TPO: variants seen among roughly 807,000 people sequenced by gnomAD.
TPO encodes the protein thyroid microsomal antigen.
In TPO, 78 loss-of-function variants were observed where a neutral mutation model predicts 96.9. The ratio of observed to expected loss-of-function variants is 0.81; its 90% CI spans 0.67 to 0.97. The LOEUF (loss-of-function observed/expected upper bound fraction) is 0.97. TPO is among the 50% of genes least tolerant of loss of function. TPO has a pLI of 0.00. For synonymous variants in TPO, 547 were observed against 538.0 expected, an observed-to-expected ratio of 1.02 and a Z score of -0.23; for missense variants, 1,252 against 1,274.8, an observed-to-expected ratio of 0.98 and a Z score of 0.27.
intron 3 of TPO, among the ~76,000 whole-genome samples, chr2:1,427,645 G>A (rs1664557666): frequency 2.0e-5 from 3 of 152,152 alleles, no homozygotes; most frequent in Non-Finnish European, 2.9e-5. Flanking sequence ...TTATAATTTC[G>A]GCATGGACAG....
chr2:1,515,668 A>G (rs1674621320), intron 14 of TPO, among the ~76,000 whole-genome samples: 1 of 152,108 alleles, frequency 6.6e-6, no homozygotes, highest in African/African-American at 2.4e-5. Context: ...GCTGCAAATG[A>G]GACACACCTG....
intron 15 of TPO, among the ~76,000 whole-genome samples, chr2:1,519,958 A>G (rs1675082618): frequency 6.6e-6 from 1 of 152,164 alleles, no homozygotes; most frequent in African/African-American, 2.4e-5. Flanking sequence ...TTGATTTTAG[A>G]CTCTGGAGTT....
chr2:1,415,325 C>T lies in TPO; in HGVS notation c.94+823C>T, dbSNP rs546024499. The stretch of plus-strand genomic sequence containing the variant: ...CTGGGCAGGTCCCTGGGCCTCTGCA[C>T]ACAGTCCCGGGGCCCCTGGAGCAGG... On this transcript the variant is annotated intron_variant, in intron 2 of 16. Transcript: ENST00000329066. Among the ~76,000 whole-genome samples the T allele has an allele frequency of 5.7e-5, 8 of 140,810 alleles. 1 individual carries two copies. In the South Asian group the frequency reaches 1.7e-3, roughly 29 times the overall value. The allele number at this position is 140,810 out of a possible 152,430, so 92.4% of individuals were successfully genotyped here. A position where few individuals can be genotyped will look rare whatever the true frequency, so the allele number is the denominator to read the frequency against.
upstream of TPO, among the ~76,000 whole-genome samples, chr2:1,408,563 G>A (rs116144451): frequency 7.7e-3 from 1,170 of 152,210 alleles, 14 homozygotes; most frequent in African/African-American, 0.026. Context: ...AAACTGAAAC[G>A]CAAAAAAGAT....
At chr2:1,491,662 G>A (rs534606392) in intron 10 of TPO, among the ~76,000 whole-genome samples, 4 of 152,306 alleles carry the variant, frequency 2.6e-5, no homozygotes, top group East Asian at 3.9e-4. Flanking sequence ...AGCAATGGGC[G>A]TCTGTTTTCT....
chr2:1,488,501 G>T (rs13409391), intron 10 of TPO, among the ~76,000 whole-genome samples: 6,237 of 152,108 alleles, frequency 0.041, 446 homozygotes, highest in African/African-American at 0.14. Flanking sequence ...CCCGGCTCCT[G>T]CCTTTCCCAG....
intron 15 of TPO, among the ~76,000 whole-genome samples, chr2:1,527,831 C>CCTCCTAAATCCCCCCAA (rs1676951449): frequency 1.9e-5 from 2 of 107,580 alleles, no homozygotes; most frequent in Admixed American, 2.0e-4. Flanking sequence ...AATCCCCATA[C>CCTCCTAAATCCCCCCAA]TGTGTGCAAC....
At chr2:1,384,205 T>C (rs1322775226) in intron 1 of TPO, among the ~76,000 whole-genome samples, 1 of 152,212 alleles carries the variant, frequency 6.6e-6, no homozygotes, top group Non-Finnish European at 1.5e-5. Context: ...GCAGGCTCTT[T>C]TTTGGTTCCA....
chr2:1,443,175 CCTT>C (rs1305348180), intron 5 of TPO, among the ~76,000 whole-genome samples: 1 of 152,332 alleles, frequency 6.6e-6, no homozygotes, highest in African/African-American at 2.4e-5. Context: ...GGAGCCAGCT[CCTT>C]CTTGTTGTAT....
intron 6 of TPO, among the ~76,000 whole-genome samples, chr2:1,454,347 G>A (rs928537005): frequency 1.3e-5 from 2 of 152,180 alleles, no homozygotes; most frequent in Non-Finnish European, 2.9e-5. Flanking sequence ...CATGTTCAGT[G>A]ATGAAATTAT....
chr2:1,531,143 C>CTGTGTGCAACCTCCCCAAATCCCCCCAT (rs1678091173), intron 15 of TPO, among the ~76,000 whole-genome samples: 1 of 59,052 alleles, frequency 1.7e-5, no homozygotes, highest in Non-Finnish European at 3.4e-5. Context: ...AAACCCCCCA[C>CTGTGTGCAACCTCCCCAAATCCCCCCAT]TGTGTGCAAC....
At chr2:1,419,382 G>T (rs1160730438) in intron 2 of TPO, among the ~76,000 whole-genome samples, 1 of 152,188 alleles carries the variant, frequency 6.6e-6, no homozygotes, top group Non-Finnish European at 1.5e-5. Context: ...ATAGCAAGGG[G>T]CTCAGAGCTG....
intron 8 of TPO, among the ~76,000 whole-genome samples, chr2:1,482,396 C>T (rs1670734552): frequency 6.6e-6 from 1 of 152,172 alleles, no homozygotes; most frequent in African/African-American, 2.4e-5. Flanking sequence ...AACCAGGAGG[C>T]TGGGGTGAGA....
At chr2:1,427,403 C>T (rs995327390) in intron 3 of TPO, among the ~76,000 whole-genome samples, 1 of 152,206 alleles carries the variant, frequency 6.6e-6, no homozygotes, top group African/African-American at 2.4e-5. Context: ...CAGCCAGACC[C>T]TGTGAGGGAG....
chr2:1,480,942 TC>T (rs1670585787), intron 8 of TPO, among the ~76,000 whole-genome samples: 1 of 149,710 alleles, frequency 6.7e-6, no homozygotes, highest in South Asian at 2.1e-4. Context: ...CTGAGAGCTA[TC>T]CCCTCCCTCA....
At position 1,413,556 on chromosome 2, in the gene TPO, A is replaced by C; in HGVS notation, c.-2+11A>C. ...AGAAGAGGAAAAAAGGTCAGGTTGT[A>C]AAGCTTTTTATTTTTCCATTTTCTA... On this transcript the variant is annotated intron_variant, in intron 1 of 16. Coordinates refer to ENST00000329066, the MANE Select transcript of TPO (RefSeq NM_001206744.2). 1.7e-6 allele frequency: 1 copy of C among 597,498 alleles called. No individual in the cohort carries two copies. Among genetic ancestry groups the C allele is most frequent in the Non-Finnish European group, 2.1e-6 (1 of 475,566 alleles). 37.0% of individuals were successfully genotyped at this position (597,498 alleles called of 1,614,324 possible). A position where few individuals can be genotyped will look rare whatever the true frequency, so the allele number is the denominator to read the frequency against.
chr2:1,419,536 A>G (rs1449326942), intron 2 of TPO, among the ~76,000 whole-genome samples: 1 of 152,168 alleles, frequency 6.6e-6, no homozygotes, highest in Non-Finnish European at 1.5e-5. Context: ...TCCCTCTCCA[A>G]CAGAAAGGAC....
At chr2:1,520,701 T>G (rs1234562990) in intron 15 of TPO, among the ~76,000 whole-genome samples, 1 of 152,270 alleles carries the variant, frequency 6.6e-6, no homozygotes, top group African/African-American at 2.4e-5. Flanking sequence ...TATGCTTGTT[T>G]TATTGCATTG....
In TPO at chr2:1,537,062, CTG is replaced by C. The variant is rs1290132549; in HGVS notation, c.2619-3531_2619-3530del. Reference sequence around the variant, plus strand: ...CACTGTGTGCAACCTCCCCAAATCCCTGCCACTGTGTGCAACCTCACCAAATC... The same window carrying C: ...CACTGTGTGCAACCTCCCCAAATCCCCCACTGTGTGCAACCTCACCAAATC... On this transcript the variant is annotated intron_variant, in intron 15 of 16. Coordinates refer to ENST00000329066, the MANE Select transcript of TPO (RefSeq NM_001206744.2). Among the ~76,000 whole-genome samples, 26 of 33,504 alleles carry C rather than the reference CTG, an allele frequency of 7.8e-4. 1 individual carries two copies. Among genetic ancestry groups the C allele is most frequent in the African/African-American group, 1.1e-3 (4 of 3,632 alleles). 22.0% of individuals were successfully genotyped at this position (33,504 alleles called of 152,430 possible).
Sources: gnomAD v4.1 joint callset for allele counts (sites outside exome capture counted in the v4.1 genomes callset) on GRCh38, gnomAD v4.1.1 for gene constraint, MANE v1.5 for transcripts, NCBI Gene and HGNC (gene_info 2026-07-23, HGNC 2026-07-21) for gene names.